The following SELENOF variants were observed in gnomAD, a reference collection of about 807,000 sequenced individuals.
SELENOF encodes selenoprotein F.
SELENOF carries 16 observed loss-of-function variants against 20.5 expected under a neutral mutation model. That is an observed-to-expected ratio of 0.78 (90% CI 0.53 to 1.19). SELENOF has a LOEUF of 1.19. Ranked by LOEUF, SELENOF falls within the 50% of genes most tolerant of loss-of-function variation. The pLI is 0.00. For synonymous variants in SELENOF, 78 were observed against 74.5 expected (o/e 1.05, Z -0.24); for missense variants, 215 against 194.2 (o/e 1.11, Z -0.64).
intron 1 of SELENOF, among the ~76,000 whole-genome samples, chr1:86,910,144 G>A (rs1161248722): frequency 3.3e-5 from 5 of 152,204 alleles, no homozygotes; most frequent in African/African-American, 1.2e-4. Flanking sequence ...AAATTAATTT[G>A]CCTTAGTCAG....
intron 3 of SELENOF, 149 bp downstream of exon 3, chr1:86,880,513 T>C: frequency 2.0e-6 from 1 of 498,836 alleles, no homozygotes; most frequent in Non-Finnish European, 3.5e-6. Flanking sequence ...ACAAACCACT[T>C]CCATGAAAAC....
chr1:86,892,704 A>C (rs1659421119), intron 2 of SELENOF, among the ~76,000 whole-genome samples: 1 of 152,252 alleles, frequency 6.6e-6, no homozygotes, highest in Admixed American at 6.5e-5. Context: ...AAGAAAAATT[A>C]CATGATTTAT....
At chr1:86,880,348 C>A (rs968259847) in intron 3 of SELENOF, among the ~76,000 whole-genome samples, 1 of 152,184 alleles carries the variant, frequency 6.6e-6, no homozygotes, top group South Asian at 2.1e-4. Context: ...CTTGGCCAGG[C>A]TGGTCTCGAA....
chr1:86,898,752 T>C (rs1432468928), intron 2 of SELENOF, among the ~76,000 whole-genome samples: 2 of 147,446 alleles, frequency 1.4e-5, no homozygotes, highest in Admixed American at 1.3e-4. Flanking sequence ...CAGCTAATTT[T>C]TTGTATTTTT....
At chr1:86,900,991 C>T (rs2753286) in intron 2 of SELENOF, among the ~76,000 whole-genome samples, 14,130 of 152,228 alleles carry the variant, frequency 0.093, 766 homozygotes, top group Non-Finnish European at 0.12. Context: ...CTCCCAGGCT[C>T]AAGCTATCCT....
chr1:86,885,215 C>G (rs1029633332), intron 2 of SELENOF, among the ~76,000 whole-genome samples: 1 of 152,170 alleles, frequency 6.6e-6, no homozygotes, highest in African/African-American at 2.4e-5. Flanking sequence ...CAAAACACTT[C>G]TAGTCCCAAT....
chr1:86,890,819 A>G (rs1659364315), intron 2 of SELENOF, among the ~76,000 whole-genome samples: 1 of 151,996 alleles, frequency 6.6e-6, no homozygotes, highest in African/African-American at 2.4e-5. Context: ...CTACGCATTA[A>G]TATTTAAACT....
chr1:86,863,316 A>G lies in SELENOF; in HGVS notation c.*158T>C, dbSNP rs1476658576. 3.4e-6 allele frequency: 2 copies of G among 581,798 alleles called. No individual in the cohort carries two copies. The highest frequency in any genetic ancestry group is 5.9e-5 in the South Asian group (2 of 33,890). 36.0% of individuals were successfully genotyped at this position (581,798 alleles called of 1,614,324 possible). A position where few individuals can be genotyped will look rare whatever the true frequency, so the allele number is the denominator to read the frequency against. On this transcript the variant is annotated 3_prime_UTR_variant, in exon 5 of 5. Coordinates refer to ENST00000331835, the MANE Select transcript of SELENOF (RefSeq NM_004261.5). The stretch of plus-strand genomic sequence containing the variant: ...TGTTAAGCTTGCCAACTCCTTAGAT[A>G]TCATGGACTATACTGCCATTTCACG...
chr1:86,903,861 TG>T (rs773582334), intron 1 of SELENOF, among the ~76,000 whole-genome samples: 2 of 152,314 alleles, frequency 1.3e-5, no homozygotes, highest in Non-Finnish European at 2.9e-5. Context: ...ATTACAGGCA[TG>T]AGCCACCTCG....
chr1:86,913,767 A>G, intron 1 of SELENOF: 1 of 470,084 alleles, frequency 2.1e-6, no homozygotes, highest in South Asian at 3.1e-5. Flanking sequence ...TGGTTTACAG[A>G]TTGTTTTTAG....
chr1:86,894,610 G>A (rs1018974701), intron 2 of SELENOF, among the ~76,000 whole-genome samples: 3 of 152,162 alleles, frequency 2.0e-5, no homozygotes, highest in Non-Finnish European at 2.9e-5. Context: ...GAGTCCCAGG[G>A]AGAGGATAGC....
intron 2 of SELENOF, among the ~76,000 whole-genome samples, chr1:86,898,672 C>T (rs1424456586): frequency 6.7e-6 from 1 of 149,480 alleles, no homozygotes. Flanking sequence ...ACCTCTGCTT[C>T]ACGGGTTCAA....
chr1:86,880,028 A>T (rs1274968337), intron 3 of SELENOF, among the ~76,000 whole-genome samples: 1 of 140,650 alleles, frequency 7.1e-6, no homozygotes, highest in Non-Finnish European at 1.5e-5. Context: ...CTACTTAAAG[A>T]AATTACACTT....
intron 2 of SELENOF, among the ~76,000 whole-genome samples, chr1:86,893,493 C>T (rs913849335): frequency 1.3e-5 from 2 of 151,214 alleles, no homozygotes; most frequent in South Asian, 2.1e-4. Context: ...TGGTGCACAC[C>T]GGTAGTCCCA....
chr1:86,899,437 C>T (rs1309881018), intron 2 of SELENOF, among the ~76,000 whole-genome samples: 1 of 125,606 alleles, frequency 8.0e-6, no homozygotes, highest in African/African-American at 3.8e-5. Context: ...ACCTCCCTCC[C>T]GGACGGGGCG....
At chr1:86,887,167 G>C (rs1358860895) in intron 2 of SELENOF, 16 of 1,541,624 alleles carry the variant, frequency 1.0e-5, no homozygotes, top group Non-Finnish European at 1.4e-5. Context: ...TTGAGTGATG[G>C]CATTCTTGCT....
intron 3 of SELENOF, among the ~76,000 whole-genome samples, chr1:86,877,588 G>A (rs1421857886): frequency 6.6e-6 from 1 of 152,292 alleles, no homozygotes; most frequent in Admixed American, 6.5e-5. Context: ...ATTTTATGCA[G>A]TATTTTTAAA....
intron 1 of SELENOF, among the ~76,000 whole-genome samples, chr1:86,912,769 T>G (rs1037055728): frequency 2.6e-5 from 4 of 152,156 alleles, no homozygotes; most frequent in Non-Finnish European, 4.4e-5. Flanking sequence ...AAAGCATAAA[T>G]GAGGCCAGGG....
chr1:86,910,976 TCA>T (rs1659965165), intron 1 of SELENOF, among the ~76,000 whole-genome samples: 1 of 152,240 alleles, frequency 6.6e-6, no homozygotes, highest in Non-Finnish European at 1.5e-5. Flanking sequence ...TCTAATTCAT[TCA>T]TCAAACATTT....
Sources: allele counts gnomAD v4.1 joint callset (sites outside exome capture counted in the v4.1 genomes callset), GRCh38; gene constraint gnomAD v4.1.1; transcripts MANE v1.5; gene names NCBI Gene and HGNC (gene_info 2026-07-23, HGNC 2026-07-21).